The following MDGA2 variants were observed in gnomAD, a reference collection of about 807,000 sequenced individuals.
The protein encoded by MDGA2 is MAM domain-containing glycosylphosphatidylinositol anchor protein 2.
MDGA2 carries 40 observed loss-of-function variants against 117.8 expected under a neutral mutation model. The observed-to-expected ratio is 0.34, with a 90% CI of 0.26 to 0.44. MDGA2 has a LOEUF of 0.44. Among genes scored for constraint, MDGA2 ranks in the 20% least tolerant of loss-of-function variants. The pLI is 1.00. For synonymous variants in MDGA2, 452 were observed against 439.0 expected, an observed-to-expected ratio of 1.03 and a Z score of -0.37; for missense variants, 1,123 against 1,250.6, an observed-to-expected ratio of 0.90 and a Z score of 1.54.
intron 10 of MDGA2, among the ~76,000 whole-genome samples, chr14:46,886,958 A>G (rs904577633): frequency 3.3e-5 from 5 of 152,070 alleles, no homozygotes; most frequent in African/African-American, 9.7e-5. Flanking sequence ...CTAAGTCTCA[A>G]CCATCAGCAA....
intron 9 of MDGA2, among the ~76,000 whole-genome samples, chr14:46,929,644 T>C (rs1403835667): frequency 2.3e-5 from 1 of 43,060 alleles, no homozygotes; most frequent in Non-Finnish European, 4.5e-5. Flanking sequence ...TATATATATA[T>C]ATACATTTTT....
Position 47,144,252 on chromosome 14 carries a change from A to G in MDGA2, c.618T>C (p.Thr206=). Residue 206 remains threonine (T), a synonymous_variant, in exon 4 of 17, where the codon ACT becomes ACC. Transcript: ENST00000399232. The stretch of plus-strand genomic sequence containing the variant: ...TAGCTTCACCTATACTTTGATGAAC[A>G]GTTACTACTGGATCATCCAAATCTA... ...DVYYLDDPVV[T]VHQSIGEAKE... is the part of the protein sequence containing the mutation. The G allele has an allele frequency of 6.4e-7, 1 of 1,550,700 alleles. No individual in the cohort carries two copies. The highest frequency in any genetic ancestry group is 8.7e-7 in the Non-Finnish European group (1 of 1,146,336).
intron 1 of MDGA2, among the ~76,000 whole-genome samples, chr14:47,451,525 C>G (rs1271885916): frequency 6.6e-6 from 1 of 152,044 alleles, no homozygotes; most frequent in African/African-American, 2.4e-5. Context: ...TCCTTCTAAT[C>G]TTAACATAAA....
chr14:47,412,047 C>T (rs1892384486), intron 1 of MDGA2, among the ~76,000 whole-genome samples: 1 of 152,088 alleles, frequency 6.6e-6, no homozygotes, highest in African/African-American at 2.4e-5. Flanking sequence ...AAGTCTAGCA[C>T]CCATTTAGTT....
intron 1 of MDGA2, among the ~76,000 whole-genome samples, chr14:47,639,916 G>A (rs1897391835): frequency 6.6e-6 from 1 of 152,150 alleles, no homozygotes; most frequent in African/African-American, 2.4e-5. Flanking sequence ...GAGAAAAGGG[G>A]CCTTAACCTG....
chr14:47,093,816 T>G (rs1372462222), intron 6 of MDGA2, among the ~76,000 whole-genome samples: 1 of 152,122 alleles, frequency 6.6e-6, no homozygotes, highest in Non-Finnish European at 1.5e-5. Flanking sequence ...TCTTATGCTG[T>G]GCATGGACAT....
intron 8 of MDGA2, among the ~76,000 whole-genome samples, chr14:47,015,685 CA>C (rs1318533261): frequency 6.6e-6 from 1 of 151,856 alleles, no homozygotes; most frequent in African/African-American, 2.4e-5. Flanking sequence ...AGAGAATATC[CA>C]AAAATGAAGT....
At chr14:47,117,451 C>G (rs919267172) in intron 5 of MDGA2, among the ~76,000 whole-genome samples, 3 of 152,146 alleles carry the variant, frequency 2.0e-5, no homozygotes, top group African/African-American at 7.2e-5. Context: ...ATTAGGATTC[C>G]TATATTCACT....
intron 1 of MDGA2, among the ~76,000 whole-genome samples, chr14:47,501,712 T>C (rs1480763151): frequency 6.6e-6 from 1 of 152,094 alleles, no homozygotes; most frequent in South Asian, 2.1e-4. Flanking sequence ...AAAAGTAATA[T>C]GATGTGGAGA....
chr14:47,067,357 A>G (rs923094211), intron 6 of MDGA2, among the ~76,000 whole-genome samples: 1 of 152,200 alleles, frequency 6.6e-6, no homozygotes, highest in African/African-American at 2.4e-5. Flanking sequence ...GAAGAGAATC[A>G]TTGAAAAGAC....
intron 1 of MDGA2, among the ~76,000 whole-genome samples, chr14:47,546,946 A>G (rs183074911): frequency 4.6e-5 from 7 of 152,332 alleles, no homozygotes; most frequent in African/African-American, 1.7e-4. Context: ...TAAAGCTGTC[A>G]GTAACTTATT....
chr14:47,497,446 A>AG (rs1340582121), intron 1 of MDGA2, among the ~76,000 whole-genome samples: 1 of 152,068 alleles, frequency 6.6e-6, no homozygotes, highest in South Asian at 2.1e-4. Flanking sequence ...TTAGTAGAGA[A>AG]GGGGTCTCAC....
chr14:47,146,173 A>G (rs772396194), intron 3 of MDGA2, among the ~76,000 whole-genome samples: 6 of 152,220 alleles, frequency 3.9e-5, no homozygotes, highest in Non-Finnish European at 8.8e-5. Flanking sequence ...ACCTTAGAGA[A>G]TCAAAGTAAA....
intron 8 of MDGA2, among the ~76,000 whole-genome samples, chr14:47,004,080 T>C (rs1346516701): frequency 1.3e-5 from 2 of 151,884 alleles, no homozygotes; most frequent in African/African-American, 4.8e-5. Flanking sequence ...ATTCAGAATA[T>C]GTAAAGGTGT....
chr14:47,000,870 GATT>G (rs1887508023), intron 8 of MDGA2, among the ~76,000 whole-genome samples: 1 of 151,858 alleles, frequency 6.6e-6, no homozygotes, highest in Non-Finnish European at 1.5e-5. Flanking sequence ...GTAATTCTTT[GATT>G]ATTAAAGTAA....
chr14:46,864,545 G>GTTTTGTTTTTT (rs1881653413), intron 14 of MDGA2, among the ~76,000 whole-genome samples: 2 of 51,472 alleles, frequency 3.9e-5, no homozygotes, highest in Admixed American at 3.8e-4. Flanking sequence ...AGATATTGCT[G>GTTTTGTTTTTT]TTTTTTTTTT....
At chr14:47,375,583 A>C (rs1891459821) in intron 1 of MDGA2, among the ~76,000 whole-genome samples, 1 of 152,066 alleles carries the variant, frequency 6.6e-6, no homozygotes, top group Non-Finnish European at 1.5e-5. Context: ...CTGATTCTAT[A>C]ACTACATTTT....
chr14:46,963,061 A>C (rs1321588920), intron 8 of MDGA2, among the ~76,000 whole-genome samples: 1 of 152,180 alleles, frequency 6.6e-6, no homozygotes, highest in Non-Finnish European at 1.5e-5. Context: ...AGTACCATTA[A>C]GGAATATAGT....
intron 1 of MDGA2, among the ~76,000 whole-genome samples, chr14:47,464,440 C>T (rs1893557850): frequency 6.6e-6 from 1 of 152,042 alleles, no homozygotes; most frequent in Non-Finnish European, 1.5e-5. Context: ...TAGAAAACCC[C>T]ATAATCTTGG....
Sources: gnomAD v4.1 joint callset for allele counts (sites outside exome capture counted in the v4.1 genomes callset) on GRCh38, gnomAD v4.1.1 for gene constraint, MANE v1.5 for transcripts, NCBI Gene and HGNC (gene_info 2026-07-23, HGNC 2026-07-21) for gene names.